DPH6: variants seen among roughly 807,000 people sequenced by gnomAD.
DPH6 encodes the protein diphthine--ammonia ligase.
A neutral mutation model predicts 38.2 loss-of-function variants in DPH6; 33 were observed. The observed-to-expected ratio is 0.86, with a 90% confidence interval of 0.65 to 1.15. The LOEUF is 1.15. DPH6 is among the 50% of genes most tolerant of loss of function. The pLI is 0.00. For missense variants in DPH6, 325 were observed against 320.0 expected (o/e 1.02, Z -0.12); for synonymous variants, 108 against 103.0 (o/e 1.05, Z -0.30).
At chr15:35,274,000 C>G (rs181831967) in intron 3 of DPH6, among the ~76,000 whole-genome samples, 1 of 152,310 alleles carries the variant, frequency 6.6e-6, no homozygotes, top group East Asian at 1.9e-4. Flanking sequence ...TGACTTCAAA[C>G]TATACTATAA....
At chr15:35,170,954 T>A in the DPH6 span, among the ~76,000 whole-genome samples, 1 of 152,238 alleles carries the variant, frequency 6.6e-6, no homozygotes, top group African/African-American at 2.4e-5. Context: ...AGCATTATAA[T>A]GTTGTATTTT....
chr15:35,513,063 G>C (rs1053134394), intron 3 of DPH6, among the ~76,000 whole-genome samples: 13 of 152,010 alleles, frequency 8.6e-5, no homozygotes, highest in Admixed American at 7.2e-4. Context: ...TCACGGCATA[G>C]AAAAATGTTT....
chr15:35,533,690 A>G (rs969659258), intron 3 of DPH6, among the ~76,000 whole-genome samples: 1 of 149,840 alleles, frequency 6.7e-6, no homozygotes, highest in Non-Finnish European at 1.5e-5. Flanking sequence ...TATGTATTTA[A>G]TATTTATTAT....
intron 3 of DPH6, among the ~76,000 whole-genome samples, chr15:35,292,941 C>A (rs1414686952): frequency 2.0e-5 from 3 of 152,078 alleles, no homozygotes; most frequent in Non-Finnish European, 4.4e-5. Context: ...TTTTCCTTTA[C>A]AAGCATAATT....
At chr15:35,215,899 T>C (rs1409537489), downstream of DPH6, among the ~76,000 whole-genome samples, 3 of 152,210 alleles carry the variant, frequency 2.0e-5, no homozygotes, top group African/African-American at 7.2e-5. Flanking sequence ...TAAGGATGTT[T>C]GATGGCAGTG....
chr15:35,164,127 C>T, the DPH6 span, among the ~76,000 whole-genome samples: 1 of 151,746 alleles, frequency 6.6e-6, no homozygotes, highest in Admixed American at 6.6e-5. Flanking sequence ...GATGTAATTA[C>T]TGTGCAACCT....
At chr15:35,446,973 A>G (rs1457576710) in intron 5 of DPH6, among the ~76,000 whole-genome samples, 2 of 150,888 alleles carry the variant, frequency 1.3e-5, no homozygotes, top group Non-Finnish European at 2.9e-5. Flanking sequence ...GGTTCATGCC[A>G]TTCTCCTGCC....
intron 5 of DPH6, among the ~76,000 whole-genome samples, chr15:35,414,960 C>A (rs2053417453): frequency 1.3e-5 from 2 of 151,760 alleles, no homozygotes; most frequent in African/African-American, 4.8e-5. Context: ...TCTTGTAGGG[C>A]ACTTCCCATT....
At chr15:35,484,666 C>T (rs577420102) in intron 3 of DPH6, among the ~76,000 whole-genome samples, 105 of 152,202 alleles carry the variant, frequency 6.9e-4, no homozygotes, top group African/African-American at 2.4e-3. Flanking sequence ...CAAAGAAACA[C>T]TTTTTTGTAA....
chr15:35,524,060 CAAACTGTG>C (rs1262745964), intron 3 of DPH6, among the ~76,000 whole-genome samples: 2 of 151,778 alleles, frequency 1.3e-5, no homozygotes, highest in Non-Finnish European at 2.9e-5. Context: ...CAGTGCTTCT[CAAACTGTG>C]TTATAAACCA....
intron 3 of DPH6, among the ~76,000 whole-genome samples, chr15:35,306,814 GCT>G (rs2052095874): frequency 6.6e-6 from 1 of 152,152 alleles, no homozygotes; most frequent in Admixed American, 6.6e-5. Flanking sequence ...CCTCAGCAGA[GCT>G]CTCTGCAGAG....
At chr15:35,471,656 T>C (rs1242758375) in intron 3 of DPH6, among the ~76,000 whole-genome samples, 1 of 152,190 alleles carries the variant, frequency 6.6e-6, no homozygotes, top group Non-Finnish European at 1.5e-5. Context: ...TTCTCTCCAT[T>C]TGGAATTTTC....
At chr15:35,184,556 G>T in the DPH6 span, among the ~76,000 whole-genome samples, 3 of 151,898 alleles carry the variant, frequency 2.0e-5, no homozygotes, top group Non-Finnish European at 2.9e-5. Flanking sequence ...AAAAAAAAAA[G>T]TTGGCCTATA....
chr15:35,321,501 A>C (rs1319901057), intron 3 of DPH6, among the ~76,000 whole-genome samples: 1 of 152,236 alleles, frequency 6.6e-6, no homozygotes, highest in Non-Finnish European at 1.5e-5. Flanking sequence ...AGAGGGGAGC[A>C]ATAGTGACTG....
chr15:35,228,062 G>T (rs1203797110), intron 3 of DPH6, among the ~76,000 whole-genome samples: 1 of 152,068 alleles, frequency 6.6e-6, no homozygotes, highest in Non-Finnish European at 1.5e-5. Flanking sequence ...CCTTTAGAAA[G>T]ATTCATGTTC....
the DPH6 span, among the ~76,000 whole-genome samples, chr15:35,153,389 T>C: frequency 2.0e-5 from 3 of 152,264 alleles, no homozygotes; most frequent in Non-Finnish European, 4.4e-5. Flanking sequence ...TTGCCTAAGA[T>C]TCAGTATTAG....
intron 3 of DPH6, among the ~76,000 whole-genome samples, chr15:35,244,774 A>G (rs1163071294): frequency 6.6e-6 from 1 of 152,220 alleles, no homozygotes; most frequent in East Asian, 1.9e-4. Flanking sequence ...TGAGTTACAC[A>G]TTATTAATAA....
intron 3 of DPH6, among the ~76,000 whole-genome samples, chr15:35,315,173 T>C (rs1310729137): frequency 6.6e-6 from 1 of 152,182 alleles, no homozygotes; most frequent in Non-Finnish European, 1.5e-5. Context: ...TTGAATGAAT[T>C]GGGCTACAAA....
chr15:35,375,454 A>G (rs2140927745), intron 7 of DPH6, among the ~76,000 whole-genome samples: 1 of 152,226 alleles, frequency 6.6e-6, no homozygotes, highest in South Asian at 2.1e-4. Flanking sequence ...TCTCTCATAT[A>G]CTATCACAGT....
Sources: gnomAD v4.1 joint callset for allele counts (sites outside exome capture counted in the v4.1 genomes callset) on GRCh38, gnomAD v4.1.1 for gene constraint, MANE v1.5 for transcripts, NCBI Gene and HGNC (gene_info 2026-07-23, HGNC 2026-07-21) for gene names.